The following GRIK3 variants were observed in gnomAD, a reference collection of about 807,000 sequenced individuals.
GRIK3 encodes the protein glutamate ionotropic receptor kainate type subunit 3.
A neutral mutation model predicts 102.5 loss-of-function variants in GRIK3; 29 were observed. The ratio of observed to expected loss-of-function variants is 0.28; its 90% CI spans 0.21 to 0.39. GRIK3 has a LOEUF of 0.39. Ranked by LOEUF, GRIK3 falls within the 10% of genes least tolerant of loss-of-function variation. The pLI is 1.00. For synonymous variants in GRIK3, 511 were observed against 504.9 expected (o/e 1.01, Z -0.16); for missense variants, 908 against 1,252.4 (o/e 0.73, Z 4.15).
chr1:36,999,295 TGCAGGG>T (rs1479376479), intron 1 of GRIK3, among the ~76,000 whole-genome samples: 3 of 152,056 alleles, frequency 2.0e-5, no homozygotes, highest in African/African-American at 7.2e-5. Flanking sequence ...GAGAGGAAGC[TGCAGGG>T]GCAGGTAGAG....
At position 37,034,283 on chromosome 1, in the gene GRIK3, G is replaced by A. The variant is rs1002186970; in HGVS notation, c.-175C>T. On this transcript the variant is annotated 5_prime_UTR_variant, in exon 1 of 16. Coordinates refer to ENST00000373091, the MANE Select transcript of GRIK3 (RefSeq NM_000831.4). Reference sequence around the variant, plus strand: ...GGCGCCGCGCACATCTTACTGGGGGGCCGCCCCGCCGGCGCCCGCCCCGCC... The same window carrying A: ...GGCGCCGCGCACATCTTACTGGGGGACCGCCCCGCCGGCGCCCGCCCCGCC... 1.1e-4 allele frequency among the ~76,000 whole-genome samples: 17 copies of A among 148,698 alleles called. No individual in the cohort carries two copies. Among genetic ancestry groups the A allele is most frequent in the African/African-American group, 3.9e-4 (16 of 40,998 alleles).
chr1:36,804,753 G>C, intron 15 of GRIK3: 1 of 571,538 alleles, frequency 1.7e-6, no homozygotes, highest in Non-Finnish European at 3.1e-6. Flanking sequence ...TGAAGGCTGC[G>C]GCATAATCCA....
chr1:36,878,985 CAAGGATGACTT>C lies in GRIK3; in HGVS notation c.550+1638_550+1648del, dbSNP rs576975997. ...TCTGTCCCTGCCCCACACATCCTCA[CAAGGATGACTT>C]AAGGATGAAGGCAGGGACCAGGCAG... On this transcript the variant is annotated intron_variant, in intron 3 of 15. Transcript: ENST00000373091. Among the ~76,000 whole-genome samples, 27 of 152,266 alleles carry C rather than the reference CAAGGATGACTT, an allele frequency of 1.8e-4. No individual in the cohort carries two copies. In the East Asian group the frequency reaches 5.2e-3, roughly 29 times the overall value.
Position 36,825,761 on chromosome 1 carries a change from G to T in GRIK3, c.1596C>A (p.Ser532=). Residue 532 remains serine (S), a synonymous_variant, in exon 11 of 16, where the codon TCC becomes TCA. Coordinates refer to ENST00000373091, the MANE Select transcript of GRIK3 (RefSeq NM_000831.4). ...TCACACCAAGTGTCATGAAGGGCTT[G>T]GAGAAGTCGATGGCCTTCTCTCGAA... is the stretch of plus-strand genomic sequence containing the variant. ...THVREKAIDF[S]KPFMTLGVSI... is the part of the protein sequence containing the mutation. The T allele has an allele frequency of 6.2e-7, 1 of 1,613,978 alleles. No individual in the cohort carries two copies. The highest frequency in any genetic ancestry group is 8.5e-7 in the Non-Finnish European group (1 of 1,179,914).
At chr1:36,827,440 G>C (rs893805529) in intron 10 of GRIK3, among the ~76,000 whole-genome samples, 5 of 152,118 alleles carry the variant, frequency 3.3e-5, no homozygotes, top group African/African-American at 1.2e-4. Context: ...TCTGGCAAGG[G>C]GGGACCTCCC....
intron 1 of GRIK3, among the ~76,000 whole-genome samples, chr1:37,008,997 C>A (rs1459699100): frequency 6.6e-6 from 1 of 152,102 alleles, no homozygotes; most frequent in Non-Finnish European, 1.5e-5. Flanking sequence ...CCAATCTCCA[C>A]CATTTACTTG....
At chr1:37,014,933 GTCTCTCTC>G (rs56296966) in intron 1 of GRIK3, among the ~76,000 whole-genome samples, 58 of 139,738 alleles carry the variant, frequency 4.2e-4, no homozygotes, top group East Asian at 4.2e-4. Flanking sequence ...CTCTGTTTTT[GTCTCTCTC>G]TCTCTCTCTC....
intron 1 of GRIK3, among the ~76,000 whole-genome samples, chr1:36,954,094 G>A (rs1641876308): frequency 1.3e-5 from 2 of 152,184 alleles, no homozygotes; most frequent in African/African-American, 2.4e-5. Flanking sequence ...GGGACGAAGG[G>A]CATCCTTTCC....
chr1:36,978,172 A>G (rs977041400), intron 1 of GRIK3, among the ~76,000 whole-genome samples: 3 of 152,296 alleles, frequency 2.0e-5, no homozygotes, highest in South Asian at 2.1e-4. Flanking sequence ...TACAAAATCC[A>G]TCAGTCAGTG....
At chr1:36,980,720 C>T (rs1642240407) in intron 1 of GRIK3, among the ~76,000 whole-genome samples, 1 of 152,048 alleles carries the variant, frequency 6.6e-6, no homozygotes, top group Non-Finnish European at 1.5e-5. Flanking sequence ...ACATGGGGAA[C>T]AGAGCATAAC....
intron 10 of GRIK3, among the ~76,000 whole-genome samples, chr1:36,826,550 C>A (rs182802240): frequency 2.0e-5 from 3 of 151,982 alleles, no homozygotes; most frequent in African/African-American, 7.2e-5. Context: ...TGCCTGTAGT[C>A]CCAGCTACTT....
intron 5 of GRIK3, 132 bp downstream of exon 5, chr1:36,869,616 C>T: frequency 1.4e-6 from 1 of 722,982 alleles, no homozygotes; most frequent in Non-Finnish European, 2.5e-6. Context: ...TGTGCCCTTA[C>T]CTGGGGCCAC....
chr1:37,005,259 G>T (rs944592848), intron 1 of GRIK3, among the ~76,000 whole-genome samples: 1 of 152,092 alleles, frequency 6.6e-6, no homozygotes, highest in Non-Finnish European at 1.5e-5. Flanking sequence ...AAAGGACCAG[G>T]CCCCATACCT....
In GRIK3 at chr1:36,872,999, C is replaced by A. The variant is rs1310620271; in HGVS notation, c.551-630G>T. ...GGGCAGTCTGCCTTGGTAAACCTTA[C>A]CCACTTTTTCAGGTTTAGTGCAACC... is the stretch of plus-strand genomic sequence containing the variant. On this transcript the variant is annotated intron_variant, in intron 3 of 15. Transcript: ENST00000373091. The surrounding 1 kb of genome is among the most constrained non-coding windows in gnomAD (Gnocchi z 5.9). Among the ~76,000 whole-genome samples, 1 of 152,192 alleles carries A rather than the reference C, an allele frequency of 6.6e-6. No individual in the cohort carries two copies. The highest frequency in any genetic ancestry group is 2.4e-5 in the African/African-American group (1 of 41,432).
chr1:36,943,477 G>A (rs1055297979), intron 1 of GRIK3, among the ~76,000 whole-genome samples: 2 of 152,136 alleles, frequency 1.3e-5, no homozygotes, highest in Admixed American at 6.5e-5. Context: ...TTACAATACC[G>A]ACCAGCAAGG....
rs1641435337 is a variant in GRIK3 at position 36,918,887 on chromosome 1, T to C, written c.116-27791A>G. On this transcript the variant is annotated intron_variant, in intron 1 of 15. Transcript: ENST00000373091. ...CTTCTCTCATTCATTCATTCACTCA[T>C]TCATTCATTCAATTACTATTCATCG... is the stretch of plus-strand genomic sequence containing the variant. Among the ~76,000 whole-genome samples, 9 of 152,324 alleles carry C rather than the reference T, an allele frequency of 5.9e-5. No individual in the cohort carries two copies. In the South Asian group the frequency reaches 1.9e-3, roughly 32 times the overall value.
intron 8 of GRIK3, 98 bp downstream of exon 8, chr1:36,853,517 C>G (rs1570760960): frequency 1.3e-6 from 1 of 775,286 alleles, no homozygotes; most frequent in South Asian, 1.5e-5. Context: ...TGGACTGTGT[C>G]TTGCCCCTTG....
intron 1 of GRIK3, among the ~76,000 whole-genome samples, chr1:36,897,609 T>A (rs773624116): frequency 2.0e-5 from 3 of 152,180 alleles, no homozygotes; most frequent in Non-Finnish European, 4.4e-5. Flanking sequence ...TGACCTCAGT[T>A]AAAATGGCTT....
intron 1 of GRIK3, among the ~76,000 whole-genome samples, chr1:36,966,983 T>C (rs1452837402): frequency 6.6e-6 from 1 of 152,174 alleles, no homozygotes; most frequent in Non-Finnish European, 1.5e-5. Flanking sequence ...TCTTAATACG[T>C]GAGAAGGACA....
Sources: gnomAD v4.1 joint callset for allele counts (sites outside exome capture counted in the v4.1 genomes callset) on GRCh38, gnomAD v4.1.1 for gene constraint, Gnocchi (gnomAD v3.1) non-coding constraint, MANE v1.5 for transcripts, NCBI Gene and HGNC (gene_info 2026-07-23, HGNC 2026-07-21) for gene names.